Variants in DPH6 observed in about 807,000 individuals in gnomAD.
DPH6 encodes the protein diphthine--ammonia ligase.
Under a neutral mutation model 38.2 loss-of-function variants are expected in DPH6, and 33 were observed. The ratio of observed to expected loss-of-function variants is 0.86; its 90% CI spans 0.65 to 1.15. DPH6 has a LOEUF of 1.15. Ranked by LOEUF, DPH6 falls within the 50% of genes most tolerant of loss-of-function variation. The pLI is 0.00. For synonymous variants in DPH6, 108 were observed against 103.0 expected (o/e 1.05, Z -0.30); for missense variants, 325 against 320.0 (o/e 1.02, Z -0.12).
intron 3 of DPH6, among the ~76,000 whole-genome samples, chr15:35,505,664 ATTC>A (rs1207683843): frequency 6.6e-6 from 1 of 152,082 alleles, no homozygotes; most frequent in African/African-American, 2.4e-5. Flanking sequence ...GTTGAAAATA[ATTC>A]AACTTTTAAT....
At chr15:35,500,935 T>C (rs2054618391) in intron 3 of DPH6, among the ~76,000 whole-genome samples, 1 of 152,124 alleles carries the variant, frequency 6.6e-6, no homozygotes, top group Non-Finnish European at 1.5e-5. Context: ...GAGATGGGGT[T>C]TCACCATGTT....
At chr15:35,455,318 A>G (rs139282629) in intron 3 of DPH6, among the ~76,000 whole-genome samples, 58 of 152,322 alleles carry the variant, frequency 3.8e-4, no homozygotes, top group African/African-American at 1.4e-3. Flanking sequence ...CATTGCCTGG[A>G]TAACAGTATA....
the DPH6 span, among the ~76,000 whole-genome samples, chr15:35,182,220 ATTTTTTTTTTTTTTTTTTTT>A: frequency 2.8e-4 from 24 of 86,040 alleles, 1 homozygote; most frequent in African/African-American, 6.6e-4. Context: ...AACTCTAAGA[ATTTTTTTTTTTTTTTTTTTT>A]TTTTTTTTTT....
chr15:35,439,786 G>GAA (rs796079886), intron 5 of DPH6, among the ~76,000 whole-genome samples: 2 of 142,608 alleles, frequency 1.4e-5, no homozygotes, highest in African/African-American at 5.1e-5. Flanking sequence ...TTTAAAAAAG[G>GAA]AAAAAAAAAA....
At position 35,493,138 on chromosome 15, in the gene DPH6, C is replaced by T. The variant is rs2141177208; in HGVS notation, c.313-38318G>A. ...TCTCATTTGCAATCAAAATAAAGCA[C>T]ATTTGAGATGGTTCTCCTTGGTCAG... On this transcript the variant is annotated intron_variant, in intron 3 of 8. Coordinates refer to ENST00000256538, the MANE Select transcript of DPH6 (RefSeq NM_080650.4). Among the ~76,000 whole-genome samples, 2 of 152,304 alleles carry T rather than the reference C, an allele frequency of 1.3e-5. 1 individual carries two copies. Among genetic ancestry groups the T allele is most frequent in the Middle Eastern group, 6.8e-3 (2 of 294 alleles).
intron 3 of DPH6, among the ~76,000 whole-genome samples, chr15:35,285,200 C>T (rs7180004): frequency 2.0e-5 from 3 of 151,968 alleles, no homozygotes; most frequent in African/African-American, 7.3e-5. Context: ...TTATTCCTAC[C>T]CTTGATTTCT....
chr15:35,156,739 C>G, the DPH6 span, among the ~76,000 whole-genome samples: 1 of 152,140 alleles, frequency 6.6e-6, no homozygotes, highest in Non-Finnish European at 1.5e-5. Flanking sequence ...TATTTGACAT[C>G]TCATGCACAG....
intron 3 of DPH6, among the ~76,000 whole-genome samples, chr15:35,481,210 C>T (rs563814393): frequency 6.6e-6 from 1 of 152,024 alleles, no homozygotes; most frequent in Non-Finnish European, 1.5e-5. Context: ...ATGTGGTATA[C>T]CGCATTCTAC....
chr15:35,476,887 C>T (rs962608259), intron 3 of DPH6, among the ~76,000 whole-genome samples: 1 of 151,714 alleles, frequency 6.6e-6, no homozygotes, highest in Non-Finnish European at 1.5e-5. Context: ...GGCAGTAAAA[C>T]ACTGGCTTTT....
the DPH6 span, among the ~76,000 whole-genome samples, chr15:35,174,603 C>A: frequency 0.048 from 7,254 of 152,226 alleles, 244 homozygotes; most frequent in African/African-American, 0.096. Context: ...GTTTTTCTTG[C>A]AAACCTAACA....
chr15:35,541,928 C>G (rs2141568796), intron 2 of DPH6, among the ~76,000 whole-genome samples: 1 of 152,228 alleles, frequency 6.6e-6, no homozygotes, highest in Non-Finnish European at 1.5e-5. Context: ...TCTCTCAAGT[C>G]TCACATTTCT....
chr15:35,478,768 C>T (rs1595399671), intron 3 of DPH6, among the ~76,000 whole-genome samples: 1 of 152,014 alleles, frequency 6.6e-6, no homozygotes, highest in East Asian at 1.9e-4. Context: ...TAAAATAATA[C>T]ATATTATCAA....
intron 5 of DPH6, among the ~76,000 whole-genome samples, chr15:35,418,782 T>C (rs1225046929): frequency 6.6e-6 from 1 of 152,056 alleles, no homozygotes; most frequent in Non-Finnish European, 1.5e-5. Flanking sequence ...TTATTATCTA[T>C]GTCATGAAAG....
intron 3 of DPH6, among the ~76,000 whole-genome samples, chr15:35,241,007 G>A (rs1258902297): frequency 7.0e-6 from 1 of 143,130 alleles, no homozygotes; most frequent in Non-Finnish European, 1.5e-5. Context: ...CAGCGGCCAG[G>A]TGTTCCTCCA....
chr15:35,264,718 ACATT>A (rs982263079), intron 3 of DPH6, among the ~76,000 whole-genome samples: 1 of 152,224 alleles, frequency 6.6e-6, no homozygotes, highest in Admixed American at 6.5e-5. Context: ...GTTCATTTGT[ACATT>A]CATTCATTCA....
intron 3 of DPH6, among the ~76,000 whole-genome samples, chr15:35,501,684 GTTCA>G (rs1376039676): frequency 1.3e-5 from 2 of 151,972 alleles, no homozygotes; most frequent in African/African-American, 2.4e-5. Context: ...TCATATTTTT[GTTCA>G]TTAAGAAACT....
chr15:35,385,027 T>C (rs1253555545), intron 6 of DPH6, among the ~76,000 whole-genome samples: 1 of 152,196 alleles, frequency 6.6e-6, no homozygotes, highest in Non-Finnish European at 1.5e-5. Flanking sequence ...AAGCTCATCA[T>C]CACTGGTCAT....
At chr15:35,242,359 A>G (rs189451235) in intron 3 of DPH6, among the ~76,000 whole-genome samples, 10,930 of 141,616 alleles carry the variant, frequency 0.077, 2,095 homozygotes, top group African/African-American at 0.26. Flanking sequence ...ACCGCACCCT[A>G]TAGCCTTTCT....
intron 3 of DPH6, among the ~76,000 whole-genome samples, chr15:35,532,954 A>C (rs2055110045): frequency 6.6e-6 from 1 of 152,074 alleles, no homozygotes; most frequent in Non-Finnish European, 1.5e-5. Flanking sequence ...AAAGACAAAA[A>C]AAATTAGCCA....
Sources: gnomAD v4.1 joint callset for allele counts (sites outside exome capture counted in the v4.1 genomes callset) on GRCh38, gnomAD v4.1.1 for gene constraint, MANE v1.5 for transcripts, NCBI Gene and HGNC (gene_info 2026-07-23, HGNC 2026-07-21) for gene names.